Variants in TMC1 observed in about 807,000 individuals in gnomAD.
TMC1 encodes the protein transmembrane channel-like protein 1.
A neutral mutation model predicts 105.8 loss-of-function variants in TMC1; 84 were observed. The observed-to-expected ratio is 0.79, with a 90% confidence interval of 0.67 to 0.95. TMC1 has a LOEUF of 0.95. Ranked by LOEUF, TMC1 falls within the 40% of genes least tolerant of loss-of-function variation. The probability of loss-of-function intolerance (pLI) is 0.00; values close to 1 mark genes in which losing one functional copy is unlikely to be tolerated. For missense variants in TMC1, 817 were observed against 914.1 expected, an observed-to-expected ratio of 0.89 and a Z score of 1.37; for synonymous variants, 315 against 311.5, an observed-to-expected ratio of 1.01 and a Z score of -0.12.
At chr9:72,648,547 G>A in intron 4 of TMC1, 50 bp from the exon 5 acceptor site, 1 of 1,028,866 alleles carries the variant, frequency 9.7e-7, no homozygotes, top group Non-Finnish European at 1.5e-6. Flanking sequence ...AGGCAGAAGT[G>A]TGTGGATGTG....
Position 72,835,948 on chromosome 9 carries a change from C to T in TMC1, c.2261-3C>T. 1 of 834,868 alleles carries T rather than the reference C, an allele frequency of 1.2e-6. No individual in the cohort carries two copies. The highest frequency in any genetic ancestry group is 1.9e-6 in the Non-Finnish European group (1 of 529,578). 51.7% of individuals were successfully genotyped at this position (834,868 alleles called of 1,614,324 possible). ...TTTTTTTTTTTTTCTGTTTTGTGAACAGCTGCAGCTGCTGGTCGCCAGTAA... is the reference window on the plus strand; with the variant it reads ...TTTTTTTTTTTTTCTGTTTTGTGAATAGCTGCAGCTGCTGGTCGCCAGTAA... On this transcript the variant is annotated splice_region_variant and splice_polypyrimidine_tract_variant and intron_variant, in intron 23 of 23. Coordinates refer to ENST00000297784, the MANE Select transcript of TMC1 (RefSeq NM_138691.3).
chr9:72,824,374 T>C (rs565412542), intron 20 of TMC1, among the ~76,000 whole-genome samples: 64 of 152,370 alleles, frequency 4.2e-4, no homozygotes, highest in African/African-American at 1.4e-3. Context: ...TGACAGTCTT[T>C]CCTGGGTTCC....
chr9:72,695,915 T>A (rs1297005286), intron 7 of TMC1, among the ~76,000 whole-genome samples: 1 of 152,212 alleles, frequency 6.6e-6, no homozygotes, highest in Non-Finnish European at 1.5e-5. Flanking sequence ...TCTTTATGCT[T>A]TATTCCTTTC....
chr9:72,664,822 G>T (rs952206411), intron 5 of TMC1, among the ~76,000 whole-genome samples: 33 of 152,124 alleles, frequency 2.2e-4, no homozygotes, highest in African/African-American at 7.2e-4. Flanking sequence ...CAAGAACCTG[G>T]GTACCAAGAG....
chr9:72,605,733 G>A (rs375317209), intron 2 of TMC1, among the ~76,000 whole-genome samples: 4 of 151,692 alleles, frequency 2.6e-5, no homozygotes, highest in East Asian at 3.9e-4. Flanking sequence ...ACACCACCAC[G>A]CCTGGCTAAT....
intron 6 of TMC1, among the ~76,000 whole-genome samples, chr9:72,692,712 G>C (rs1465079280): frequency 6.6e-6 from 1 of 152,118 alleles, no homozygotes; most frequent in Non-Finnish European, 1.5e-5. Context: ...TAAATATTCA[G>C]AATGCCATGA....
At chr9:72,610,402 C>T (rs565671676) in intron 2 of TMC1, among the ~76,000 whole-genome samples, 4 of 152,228 alleles carry the variant, frequency 2.6e-5, no homozygotes, top group South Asian at 4.1e-4. Flanking sequence ...AGTCCAGGCT[C>T]ATTCCAAAGG....
chr9:72,837,369 AC>A lies in TMC1; in HGVS notation c.*1398del, dbSNP rs1829141997. The A allele has an allele frequency of 6.6e-6, 1 of 151,958 alleles. No homozygotes were observed. Among genetic ancestry groups the A allele is most frequent in the African/African-American group, 2.4e-5 (1 of 41,346 alleles). 9.4% of individuals were successfully genotyped at this position (151,958 alleles called of 1,614,324 possible). A position where few individuals can be genotyped will look rare whatever the true frequency, so the allele number is the denominator to read the frequency against. ...ATTATTATTTTAGAGAGATAGTTTAACCACCACCTGACCATCACCAAATGGT... is the reference window on the plus strand; with the variant it reads ...ATTATTATTTTAGAGAGATAGTTTAACACCACCTGACCATCACCAAATGGT... On this transcript the variant is annotated 3_prime_UTR_variant, in exon 24 of 24. Transcript: ENST00000297784.
chr9:72,547,722 G>T (rs533598674), intron 1 of TMC1, among the ~76,000 whole-genome samples: 1 of 152,310 alleles, frequency 6.6e-6, no homozygotes, highest in East Asian at 1.9e-4. Flanking sequence ...AAGAACCAAA[G>T]ACTTGGAGAT....
chr9:72,803,237 T>G (rs142324950), intron 17 of TMC1, among the ~76,000 whole-genome samples: 1 of 152,304 alleles, frequency 6.6e-6, no homozygotes, highest in East Asian at 1.9e-4. Context: ...TAACTTAGGA[T>G]GGATTAAATG....
intron 2 of TMC1, among the ~76,000 whole-genome samples, chr9:72,594,951 C>T (rs542560340): frequency 2.6e-5 from 4 of 151,966 alleles, no homozygotes; most frequent in East Asian, 3.9e-4. Flanking sequence ...CTGCAAGCTC[C>T]GCCTCCCAGG....
chr9:72,828,047 G>T (rs1011666016), intron 21 of TMC1, among the ~76,000 whole-genome samples: 1 of 152,156 alleles, frequency 6.6e-6, no homozygotes, highest in African/African-American at 2.4e-5. Context: ...ACAAGAGAGA[G>T]AGTAAAATGG....
intron 1 of TMC1, among the ~76,000 whole-genome samples, chr9:72,563,416 A>G (rs1156235602): frequency 2.0e-5 from 3 of 152,230 alleles, no homozygotes; most frequent in Non-Finnish European, 4.4e-5. Context: ...CTCAACTGCC[A>G]ATAATGCAAG....
At chr9:72,673,172 C>G (rs980823107) in intron 5 of TMC1, among the ~76,000 whole-genome samples, 2 of 152,064 alleles carry the variant, frequency 1.3e-5, no homozygotes, top group African/African-American at 4.8e-5. Context: ...AAATTAAACA[C>G]ACATTTCAAA....
intron 1 of TMC1, among the ~76,000 whole-genome samples, chr9:72,529,190 A>G (rs541056036): frequency 9.2e-5 from 14 of 152,020 alleles, no homozygotes; most frequent in African/African-American, 3.4e-4. Flanking sequence ...TCCTGGAACC[A>G]TTCCTCCATG....
At chr9:72,655,782 C>T in intron 5 of TMC1, 1 of 567,534 alleles carries the variant, frequency 1.8e-6, no homozygotes, top group Non-Finnish European at 3.2e-6. Context: ...ATGCTTGTTT[C>T]ATTTTTTTTT....
chr9:72,706,171 C>T (rs1277263248), intron 8 of TMC1, among the ~76,000 whole-genome samples: 1 of 152,118 alleles, frequency 6.6e-6, no homozygotes, highest in African/African-American at 2.4e-5. Context: ...GTTGGGAAAA[C>T]TTTGGGAAAA....
chr9:72,810,385 A>G (rs1828681823), intron 18 of TMC1, among the ~76,000 whole-genome samples: 1 of 152,162 alleles, frequency 6.6e-6, no homozygotes, highest in Non-Finnish European at 1.5e-5. Flanking sequence ...CACAAAGCAC[A>G]TGATTTTTTT....
At chr9:72,571,837 T>C (rs887178730) in intron 1 of TMC1, among the ~76,000 whole-genome samples, 1 of 152,168 alleles carries the variant, frequency 6.6e-6, no homozygotes, top group East Asian at 1.9e-4. Flanking sequence ...TTTGTGTAGA[T>C]TGCTTACTTT....
Sources: gnomAD v4.1 joint callset for allele counts (sites outside exome capture counted in the v4.1 genomes callset) on GRCh38, gnomAD v4.1.1 for gene constraint, MANE v1.5 for transcripts, NCBI Gene and HGNC (gene_info 2026-07-23, HGNC 2026-07-21) for gene names.